JAKMIP2: variants seen among roughly 807,000 people sequenced by gnomAD.
The protein encoded by JAKMIP2 is janus kinase and microtubule interacting protein 2.
JAKMIP2 carries 25 observed loss-of-function variants against 115.0 expected under a neutral mutation model. That is an observed-to-expected ratio of 0.22 (90% confidence interval 0.16 to 0.30). JAKMIP2 has a LOEUF of 0.30. Among genes scored for constraint, JAKMIP2 ranks in the 10% least tolerant of loss-of-function variants. JAKMIP2 has a pLI of 1.00. For synonymous variants in JAKMIP2, 334 were observed against 343.6 expected (o/e 0.97, Z 0.31); for missense variants, 642 against 957.6 (o/e 0.67, Z 4.35).
At position 147,620,502 on chromosome 5, in the gene JAKMIP2, C is replaced by G. The variant is rs547101517; in HGVS notation, c.2142+164G>C. ...TAAGAATCTTAGAATAAGTAAAGAG[C>G]TAGGAATGTATTTGTTATAAAATTA... On this transcript the variant is annotated intron_variant, in intron 18 of 21. Transcript: ENST00000616793. Among the ~76,000 whole-genome samples the G allele has an allele frequency of 9.9e-5, 15 of 152,054 alleles. No homozygotes were observed. In the East Asian group the frequency reaches 2.5e-3, roughly 25 times the overall value.
intron 1 of JAKMIP2, among the ~76,000 whole-genome samples, chr5:147,685,895 A>T (rs17562343): frequency 6.6e-6 from 1 of 152,122 alleles, no homozygotes; most frequent in East Asian, 1.9e-4. Context: ...AGCTTCTATA[A>T]TCAGAATAAA....
At chr5:147,780,451 T>C (rs544215154) in intron 1 of JAKMIP2, among the ~76,000 whole-genome samples, 1 of 152,338 alleles carries the variant, frequency 6.6e-6, no homozygotes, top group Admixed American at 6.5e-5. Flanking sequence ...TCTTAATTTT[T>C]TAAGTGTGCT....
At chr5:147,636,591 A>G (rs912618145) in intron 11 of JAKMIP2, among the ~76,000 whole-genome samples, 1 of 152,210 alleles carries the variant, frequency 6.6e-6, no homozygotes, top group Non-Finnish European at 1.5e-5. Flanking sequence ...CAGAATGCAC[A>G]CAGGCTAGAT....
At chr5:147,766,121 C>T (rs1445939503) in intron 1 of JAKMIP2, among the ~76,000 whole-genome samples, 1 of 152,158 alleles carries the variant, frequency 6.6e-6, no homozygotes, top group African/African-American at 2.4e-5. Context: ...TTGTGTTTCC[C>T]CCCATCTTTT....
rs954079079 is a variant in JAKMIP2 at position 147,690,504 on chromosome 5, A to G, written c.-148-18550T>C. Among the ~76,000 whole-genome samples the G allele has an allele frequency of 1.1e-4, 16 of 147,172 alleles. 1 individual carries two copies. The East Asian group carries it at 3.2e-3, about 30-fold the overall frequency. ...AGAGCAAGATGACGAATGAAGTCCA[A>G]AGTATAATGTCATTCATGTAAAAAA... On this transcript the variant is annotated intron_variant, in intron 1 of 21. Transcript: ENST00000616793.
At chr5:147,637,436 G>GTTTTTTTT (rs1561506660) in intron 10 of JAKMIP2, among the ~76,000 whole-genome samples, 4 of 74,022 alleles carry the variant, frequency 5.4e-5, no homozygotes, top group African/African-American at 2.2e-4. Flanking sequence ...AAATTCTTTT[G>GTTTTTTTT]ATTTTTTTTT....
chr5:147,779,903 G>A (rs1755695341), intron 1 of JAKMIP2, among the ~76,000 whole-genome samples: 3 of 152,070 alleles, frequency 2.0e-5, no homozygotes, highest in Admixed American at 1.3e-4. Context: ...TTAGCCAGTT[G>A]ACTACTCACA....
At chr5:147,715,333 GA>G (rs1752932648) in intron 1 of JAKMIP2, among the ~76,000 whole-genome samples, 1 of 151,574 alleles carries the variant, frequency 6.6e-6, no homozygotes, top group African/African-American at 2.4e-5. Context: ...TTAGATAAAT[GA>G]AATATACCAA....
intron 1 of JAKMIP2, among the ~76,000 whole-genome samples, chr5:147,692,980 C>T (rs897271040): frequency 1.3e-5 from 2 of 152,230 alleles, no homozygotes; most frequent in Non-Finnish European, 2.9e-5. Flanking sequence ...TTATTATCAA[C>T]CAGCACAATC....
intron 1 of JAKMIP2, among the ~76,000 whole-genome samples, chr5:147,706,249 C>T (rs1196324532): frequency 2.6e-5 from 4 of 152,092 alleles, no homozygotes; most frequent in Middle Eastern, 3.2e-3. Context: ...TTCACTGATT[C>T]AAGAGAGGAT....
intron 19 of JAKMIP2, among the ~76,000 whole-genome samples, chr5:147,612,760 T>C (rs1415899563): frequency 6.6e-6 from 1 of 152,160 alleles, no homozygotes; most frequent in Non-Finnish European, 1.5e-5. Context: ...GAGGGTGTAG[T>C]ATATCTCAGA....
At chr5:147,659,566 A>C (rs1204692991) in intron 3 of JAKMIP2, among the ~76,000 whole-genome samples, 1 of 152,178 alleles carries the variant, frequency 6.6e-6, no homozygotes, top group East Asian at 1.9e-4. Context: ...AGTCGTGCAA[A>C]AATTAGCAGA....
intron 1 of JAKMIP2, among the ~76,000 whole-genome samples, chr5:147,700,303 A>T (rs1041999708): frequency 6.6e-6 from 1 of 152,180 alleles, no homozygotes; most frequent in Non-Finnish European, 1.5e-5. Flanking sequence ...AACCTTTAGG[A>T]TGGAGAAAAA....
chr5:147,638,568 A>G (rs1329240976), intron 10 of JAKMIP2, among the ~76,000 whole-genome samples: 1 of 152,144 alleles, frequency 6.6e-6, no homozygotes, highest in African/African-American at 2.4e-5. Context: ...GTGTGTGTGC[A>G]TGCTACTGTT....
At chr5:147,706,025 A>G (rs1271358452) in intron 1 of JAKMIP2, among the ~76,000 whole-genome samples, 2 of 152,158 alleles carry the variant, frequency 1.3e-5, no homozygotes, top group Non-Finnish European at 2.9e-5. Context: ...GTATACTTGA[A>G]CATGTGTGAA....
chr5:147,642,947 T>C (rs1757950700), intron 7 of JAKMIP2, among the ~76,000 whole-genome samples: 1 of 152,078 alleles, frequency 6.6e-6, no homozygotes, highest in African/African-American at 2.4e-5. Flanking sequence ...GAGACTAGAC[T>C]GGTTGAGTCT....
intron 1 of JAKMIP2, among the ~76,000 whole-genome samples, chr5:147,698,660 AC>A (rs1223801007): frequency 6.6e-6 from 1 of 152,086 alleles, no homozygotes; most frequent in Non-Finnish European, 1.5e-5. Context: ...CCTTCACTCA[AC>A]ACTTCTCTCT....
At chr5:147,684,296 AACACACACACAC>A (rs10565596) in intron 1 of JAKMIP2, among the ~76,000 whole-genome samples, 39 of 147,466 alleles carry the variant, frequency 2.6e-4, no homozygotes, top group Admixed American at 7.5e-4. Context: ...AGTGCCAGAG[AACACACACACAC>A]ACACACACAC....
At chr5:147,661,532 G>T in intron 2 of JAKMIP2, 87 bp from the exon 3 acceptor site, 1 of 1,354,292 alleles carries the variant, frequency 7.4e-7, no homozygotes, top group Non-Finnish European at 1.0e-6. Flanking sequence ...TCAGGCCGCT[G>T]TGATCTCTTA....
Sources: allele counts gnomAD v4.1 joint callset (sites outside exome capture counted in the v4.1 genomes callset), GRCh38; gene constraint gnomAD v4.1.1; transcripts MANE v1.5; gene names NCBI Gene and HGNC (gene_info 2026-07-23, HGNC 2026-07-21).